The following COL28A1 variants were observed in gnomAD, a reference collection of about 807,000 sequenced individuals.
The protein encoded by COL28A1 is collagen type XXVIII alpha 1 chain.
In COL28A1, 161 loss-of-function variants were observed where a neutral mutation model predicts 150.2. The observed-to-expected ratio is 1.07, with a 90% CI of 0.94 to 1.22. The LOEUF is 1.22. COL28A1 is among the 50% of genes most tolerant of loss of function. The probability of loss-of-function intolerance (pLI) is 0.00; values close to 1 mark genes in which losing one functional copy is unlikely to be tolerated. For missense variants in COL28A1, 1,617 were observed against 1,388.3 expected (o/e 1.16, Z -2.62); for synonymous variants, 552 against 469.7 (o/e 1.18, Z -2.26).
intron 33 of COL28A1, among the ~76,000 whole-genome samples, chr7:7,364,576 C>G (rs994039226): frequency 6.6e-6 from 1 of 152,172 alleles, no homozygotes; most frequent in Non-Finnish European, 1.5e-5. Flanking sequence ...GTTCTAACCA[C>G]CCCTTTGAGC....
intron 25 of COL28A1, among the ~76,000 whole-genome samples, chr7:7,422,636 G>GA (rs112705922): frequency 0.013 from 1,750 of 139,512 alleles, 45 homozygotes; most frequent in African/African-American, 0.042. Context: ...CTCCAAAAAA[G>GA]AAAAAAAAAA....
chr7:7,519,361 G>A (rs539357825), intron 6 of COL28A1, among the ~76,000 whole-genome samples: 1 of 152,336 alleles, frequency 6.6e-6, no homozygotes, highest in South Asian at 2.1e-4. Flanking sequence ...AATCATGGGA[G>A]CTACGTACAA....
chr7:7,526,780 G>A (rs925536913), intron 3 of COL28A1, among the ~76,000 whole-genome samples: 2 of 152,022 alleles, frequency 1.3e-5, no homozygotes, highest in Non-Finnish European at 2.9e-5. Context: ...GAATTACAGA[G>A]CACGCCAACA....
intron 15 of COL28A1, among the ~76,000 whole-genome samples, chr7:7,461,645 C>G (rs1787633157): frequency 6.6e-6 from 1 of 152,082 alleles, no homozygotes; most frequent in South Asian, 2.1e-4. Context: ...CTGTATGGCA[C>G]AGCAGAGGCA....
chr7:7,398,097 T>C (rs1027244306), intron 27 of COL28A1, among the ~76,000 whole-genome samples: 3 of 152,208 alleles, frequency 2.0e-5, no homozygotes, highest in Admixed American at 6.5e-5. Context: ...TTATAATAAA[T>C]AGCTGAACAC....
intron 26 of COL28A1, 39 bp from the exon 27 acceptor site, chr7:7,417,966 G>A (rs1245385209): frequency 2.6e-6 from 4 of 1,515,130 alleles, no homozygotes; most frequent in African/African-American, 1.4e-5. Context: ...CAAAATGTAA[G>A]AAGATCGAAG....
chr7:7,461,778 C>T (rs752072400), intron 15 of COL28A1, among the ~76,000 whole-genome samples: 1 of 152,268 alleles, frequency 6.6e-6, no homozygotes, highest in South Asian at 2.1e-4. Context: ...CCTAGCCTTG[C>T]TCCCGCCTAA....
rs545452915 is a variant in COL28A1 at position 7,394,086 on chromosome 7, G to A, written c.2137-12474C>T. 2.2e-4 allele frequency among the ~76,000 whole-genome samples: 33 copies of A among 152,266 alleles called. No homozygotes were observed. In the East Asian group the frequency reaches 2.7e-3, roughly 12 times the overall value. On this transcript the variant is annotated intron_variant, in intron 27 of 34. Coordinates refer to ENST00000399429, the MANE Select transcript of COL28A1 (RefSeq NM_001037763.3). ...GCGTAGGCACCCAAGGGACTCTCCC[G>A]GTCTGTGGGCTGTGCATACTGTGGG...
intron 15 of COL28A1, among the ~76,000 whole-genome samples, chr7:7,464,096 C>A (rs1787857462): frequency 1.3e-5 from 2 of 152,118 alleles, no homozygotes; most frequent in African/African-American, 2.4e-5. Context: ...AAGGCCTTGT[C>A]CAACAGGAAA....
chr7:7,490,672 TTA>T, intron 11 of COL28A1, 26 bp from the exon 12 acceptor site: 1 of 981,028 alleles, frequency 1.0e-6, no homozygotes, highest in African/African-American at 1.6e-5. Context: ...GTGACATCAG[TTA>T]TATGTTAGGT....
intron 27 of COL28A1, among the ~76,000 whole-genome samples, chr7:7,399,072 A>G (rs1027837101): frequency 3.3e-5 from 5 of 152,110 alleles, no homozygotes; most frequent in Non-Finnish European, 5.9e-5. Flanking sequence ...GTGTAACTTC[A>G]TATCTACTTT....
Position 7,373,945 on chromosome 7 carries a change from C to T in COL28A1, c.2360-399G>A, listed in dbSNP as rs1341740442. 1.3e-5 allele frequency among the ~76,000 whole-genome samples: 2 copies of T among 149,868 alleles called. No homozygotes were observed. Among genetic ancestry groups the T allele is most frequent in the African/African-American group, 4.9e-5 (2 of 40,672 alleles). ...CGATCTCCTGACCTCGTGATATGCC[C>T]GCCTCGGCCTCCCAAAGTGCTGGGA... On this transcript the variant is annotated intron_variant, in intron 31 of 34. Coordinates refer to ENST00000399429, the MANE Select transcript of COL28A1 (RefSeq NM_001037763.3). This position sits in a 1 kb window ranked among gnomAD's most constrained non-coding sequence, Gnocchi z 4.1.
At chr7:7,395,352 C>T (rs1782778365) in intron 27 of COL28A1, among the ~76,000 whole-genome samples, 1 of 152,172 alleles carries the variant, frequency 6.6e-6, no homozygotes, top group African/African-American at 2.4e-5. Flanking sequence ...CAAACCCAGG[C>T]TTAATTCAGT....
intron 25 of COL28A1, among the ~76,000 whole-genome samples, chr7:7,432,036 T>C (rs1392031958): frequency 1.3e-5 from 2 of 152,108 alleles, no homozygotes; most frequent in Non-Finnish European, 2.9e-5. Context: ...TTAGAGATGT[T>C]TGTGAGAAGC....
intron 12 of COL28A1, 86 bp from the exon 13 acceptor site, chr7:7,489,543 G>A (rs1779807613): frequency 1.2e-6 from 1 of 800,322 alleles, no homozygotes; most frequent in East Asian, 2.5e-5. Flanking sequence ...ATTTCAACAA[G>A]GATAAATAGC....
intron 6 of COL28A1, 58 bp downstream of exon 6, chr7:7,520,004 A>C: frequency 1.3e-6 from 1 of 743,900 alleles, no homozygotes; most frequent in Non-Finnish European, 2.2e-6. Context: ...TTGTTGTTTT[A>C]AAAAAAAAGT....
chr7:7,417,544 GGGGGGA>G (rs1784165002), intron 27 of COL28A1: 3 of 100,594 alleles, frequency 3.0e-5, no homozygotes, highest in African/African-American at 9.7e-5. Flanking sequence ...GAGGGAGGGG[GGGGGGA>G]GAGAGAGAGA....
At chr7:7,486,935 C>G (rs1334626355) in intron 13 of COL28A1, among the ~76,000 whole-genome samples, 1 of 152,022 alleles carries the variant, frequency 6.6e-6, no homozygotes, top group Non-Finnish European at 1.5e-5. Flanking sequence ...GTTTTGGTAT[C>G]AGGGGAAAAC....
At chr7:7,537,079 A>G (rs1782670319), upstream of COL28A1, among the ~76,000 whole-genome samples, 6 of 152,256 alleles carry the variant, frequency 3.9e-5, no homozygotes, top group Admixed American at 3.9e-4. Flanking sequence ...AAACATTGAA[A>G]TAAATCTAAG....
Sources: allele counts gnomAD v4.1 joint callset (sites outside exome capture counted in the v4.1 genomes callset), GRCh38; gene constraint gnomAD v4.1.1; non-coding constraint Gnocchi (gnomAD v3.1); transcripts MANE v1.5; gene names NCBI Gene and HGNC (gene_info 2026-07-23, HGNC 2026-07-21).